Variants in RTKN observed in about 807,000 individuals in gnomAD.
RTKN encodes rhotekin.
Under a neutral mutation model 63.5 loss-of-function variants are expected in RTKN, and 49 were observed. The ratio of observed to expected loss-of-function variants is 0.77; its 90% confidence interval spans 0.61 to 0.98. The LOEUF (loss-of-function observed/expected upper bound fraction) is 0.98, where lower values mean the gene tolerates loss of function less well. Ranked by LOEUF, RTKN falls within the 50% of genes least tolerant of loss-of-function variation. The pLI is 0.00. For missense variants in RTKN, 685 were observed against 740.8 expected (o/e 0.92, Z 0.87); for synonymous variants, 295 against 290.4 (o/e 1.02, Z -0.16).
chr2:74,439,154 C>T (rs1671213461), intron 1 of RTKN, among the ~76,000 whole-genome samples: 1 of 152,196 alleles, frequency 6.6e-6, no homozygotes, highest in South Asian at 2.1e-4. Context: ...CAGCACCTTG[C>T]TGTCTCAAGG....
chr2:74,432,151 A>T (rs1408029777), intron 2 of RTKN: 1 of 478,258 alleles, frequency 2.1e-6, no homozygotes, highest in Non-Finnish European at 3.8e-6. Context: ...AATTTTCCAA[A>T]AGCCAGATAG....
Position 74,428,960 on chromosome 2 carries a change from G to C in RTKN, c.756-18C>G. ...GAGGACCACTGAGGGAGATAGGAGAGAGCATCAGCCAAGGGAGGGGCATGT... is the reference window on the plus strand; with the variant it reads ...GAGGACCACTGAGGGAGATAGGAGACAGCATCAGCCAAGGGAGGGGCATGT... On this transcript the variant is annotated intron_variant, in intron 6 of 11. Transcript: ENST00000272430. The C allele has an allele frequency of 6.2e-7, 1 of 1,603,634 alleles. No homozygotes were observed. Among genetic ancestry groups the C allele is most frequent in the African/African-American group, 1.3e-5 (1 of 74,820 alleles).
At chr2:74,430,764 C>A in intron 2 of RTKN, 87 bp from the exon 3 acceptor site, 1 of 1,318,902 alleles carries the variant, frequency 7.6e-7, no homozygotes, top group Non-Finnish European at 1.0e-6. Flanking sequence ...TCCCCCTGAT[C>A]CCAGCGCCTC....
intron 5 of RTKN, 92 bp downstream of exon 5, chr2:74,430,160 C>T: frequency 2.0e-6 from 3 of 1,509,802 alleles, no homozygotes; most frequent in African/African-American, 2.7e-5. Flanking sequence ...CCTCTCCACC[C>T]TGCCCCCATC....
chr2:74,429,743 G>C lies in RTKN; in HGVS notation c.755+85C>G, dbSNP rs534474599. On this transcript the variant is annotated intron_variant, in intron 6 of 11. Transcript: ENST00000272430. ...CACATCCTGGCAGCAATGCAAAATG[G>C]GTTCTGCACACTCAACACAGTTCAA... 1.7e-4 allele frequency: 215 copies of C among 1,278,586 alleles called. 1 individual carries two copies. The African/African-American group carries it at 2.7e-3, about 16-fold the overall frequency. The allele number at this position is 1,278,586 out of a possible 1,614,324, so 79.2% of individuals were successfully genotyped here.
At position 74,441,697 on chromosome 2, in the gene RTKN, G is replaced by A; in HGVS notation, c.111+9C>T. 6.2e-7 allele frequency: 1 copy of A among 1,601,040 alleles called. No individual in the cohort carries two copies. Among genetic ancestry groups the A allele is most frequent in the Non-Finnish European group, 8.5e-7 (1 of 1,172,712 alleles). On this transcript the variant is annotated intron_variant, in intron 1 of 11. Coordinates refer to ENST00000272430, the MANE Select transcript of RTKN (RefSeq NM_001015055.2). Reference sequence around the variant, plus strand: ...GCGGAAGGGGAAGGCAGGGACGCGAGTCTCTCACCTCGGGCAGGTCGCTGA... The same window carrying A: ...GCGGAAGGGGAAGGCAGGGACGCGAATCTCTCACCTCGGGCAGGTCGCTGA...
chr2:74,429,062 C>A, intron 6 of RTKN, 120 bp from the exon 7 acceptor site: 2 of 746,974 alleles, frequency 2.7e-6, no homozygotes, highest in South Asian at 1.6e-5. Context: ...CGCTTGCCTC[C>A]CCAGAGGGTT....
rs114672825 is a variant in RTKN at position 74,428,433 on chromosome 2, G to A, written c.958-37C>T. 1,114 of 1,613,842 alleles carry A rather than the reference G, an allele frequency of 6.9e-4. 4 individuals are homozygous for A. The African/African-American group carries it at 0.013, about 18-fold the overall frequency. The stretch of plus-strand genomic sequence containing the variant: ...ACTCAACATTTTCTGGGGAAGTCAC[G>A]GCCCCCAGTATCCCTCTTCTCAGCC... On this transcript the variant is annotated intron_variant, in intron 8 of 11. Coordinates refer to ENST00000272430, the MANE Select transcript of RTKN (RefSeq NM_001015055.2).
At chr2:74,439,641 C>T in intron 1 of RTKN, 1 of 1,613,860 alleles carries the variant, frequency 6.2e-7, no homozygotes, top group South Asian at 1.1e-5. Flanking sequence ...CCCCCGGTGC[C>T]CTTTCCCTTG....
In RTKN at chr2:74,428,669, T is replaced by C. The variant is rs368986593; in HGVS notation, c.919A>G (p.Met307Val). ...CCRLAAQPLC[M>V]TQPTASGTLR... ...GTACCACTTGCAGTGGGCTGAGTCATGCAGAGAGGCTGAGCTGCCAGACGG... is the reference window on the plus strand; with the variant it reads ...GTACCACTTGCAGTGGGCTGAGTCACGCAGAGAGGCTGAGCTGCCAGACGG... The change falls in exon 8 of 12, where the codon ATG becomes GTG. Residue 307 changes from methionine (M) to valine (V), a missense_variant. Met to Val is a conservative substitution (Grantham distance 21). Coordinates refer to ENST00000272430, the MANE Select transcript of RTKN (RefSeq NM_001015055.2). 4.3e-6 allele frequency: 7 copies of C among 1,613,844 alleles called. No homozygotes were observed. The highest frequency in any genetic ancestry group is 4.5e-5 in the East Asian group (2 of 44,878).
chr2:74,439,081 C>T (rs1275990976), intron 1 of RTKN, among the ~76,000 whole-genome samples: 2 of 152,166 alleles, frequency 1.3e-5, no homozygotes, highest in Admixed American at 1.3e-4. Context: ...CCAGGACCAG[C>T]CTGGGCAATA....
In RTKN at chr2:74,430,583, G is replaced by A. The variant is rs548504044; in HGVS notation, c.373+33C>T. The stretch of plus-strand genomic sequence containing the variant: ...CAGGAGGCCGTGTGCTTGGGCAAGG[G>A]GTACCAGCAGCTGGGGTAGCTGTGC... On this transcript the variant is annotated intron_variant, in intron 3 of 11. Coordinates refer to ENST00000272430, the MANE Select transcript of RTKN (RefSeq NM_001015055.2). 8.2e-5 allele frequency: 133 copies of A among 1,613,940 alleles called. No homozygotes were observed. The South Asian group carries it at 1.4e-3, about 17-fold the overall frequency.
At chr2:74,440,281 G>T in intron 1 of RTKN, 1 of 871,040 alleles carries the variant, frequency 1.1e-6, no homozygotes, top group Non-Finnish European at 1.4e-6. Context: ...TGGCAAAGCA[G>T]CCCAGCCCTA....
intron 11 of RTKN, 149 bp downstream of exon 11, chr2:74,427,017 AAAG>A: frequency 7.0e-7 from 1 of 1,431,204 alleles, no homozygotes; most frequent in South Asian, 1.6e-5. Context: ...GGAGAGGAGA[AAAG>A]AACACACAAG....
chr2:74,431,601 T>TC (rs1670756097), intron 2 of RTKN, among the ~76,000 whole-genome samples: 2 of 152,258 alleles, frequency 1.3e-5, no homozygotes, highest in South Asian at 2.1e-4. Context: ...TCAGAGGCTG[T>TC]CCCCCCACCA....
intron 1 of RTKN, among the ~76,000 whole-genome samples, chr2:74,438,778 G>A (rs1051961796): frequency 1.3e-4 from 20 of 152,276 alleles, no homozygotes; most frequent in African/African-American, 4.8e-4. Flanking sequence ...CCCAACAGAG[G>A]CTTCCCCTGA....
At chr2:74,434,297 T>C (rs1428037703) in intron 1 of RTKN, among the ~76,000 whole-genome samples, 2 of 151,400 alleles carry the variant, frequency 1.3e-5, no homozygotes, top group South Asian at 4.2e-4. Flanking sequence ...TTTTTTTTTT[T>C]TGAGACCGAG....
In RTKN at chr2:74,425,961, C is replaced by T; in HGVS notation, c.*282G>A. 1.5e-6 allele frequency: 1 copy of T among 669,270 alleles called. No individual in the cohort carries two copies. Among genetic ancestry groups the T allele is most frequent in the South Asian group, 1.9e-5 (1 of 51,502 alleles). The allele number at this position is 669,270 out of a possible 1,614,324, so 41.5% of individuals were successfully genotyped here. A position where few individuals can be genotyped will look rare whatever the true frequency, so the allele number is the denominator to read the frequency against. ...GCTCCAAGGGTTCTTCAGTGCCATC[C>T]TCAAAGCTGGTTAGTGCAGGGAGGT... On this transcript the variant is annotated 3_prime_UTR_variant, in exon 12 of 12. Coordinates refer to ENST00000272430, the MANE Select transcript of RTKN (RefSeq NM_001015055.2).
Position 74,441,850 on chromosome 2 carries a change from G to C in RTKN, c.-34C>G. The C allele has an allele frequency of 7.2e-7, 1 of 1,383,080 alleles. No individual in the cohort carries two copies. The highest frequency in any genetic ancestry group is 1.0e-6 in the Non-Finnish European group (1 of 986,020). The allele number at this position is 1,383,080 out of a possible 1,614,324, so 85.7% of individuals were successfully genotyped here. On this transcript the variant is annotated 5_prime_UTR_variant, in exon 1 of 12. Coordinates refer to ENST00000272430, the MANE Select transcript of RTKN (RefSeq NM_001015055.2). Reference sequence around the variant, plus strand: ...CCCTGCGACTTTGCCTGCTCAGTGCGCTCCCCGCGCCGCCCGGCTTAGCCT... The same window carrying C: ...CCCTGCGACTTTGCCTGCTCAGTGCCCTCCCCGCGCCGCCCGGCTTAGCCT...
Sources: gnomAD v4.1 joint callset for allele counts (sites outside exome capture counted in the v4.1 genomes callset) on GRCh38, gnomAD v4.1.1 for gene constraint, MANE v1.5 for transcripts, NCBI Gene and HGNC (gene_info 2026-07-23, HGNC 2026-07-21) for gene names.